The following TMEM184B variants were observed in gnomAD, a reference collection of about 807,000 sequenced individuals.
TMEM184B encodes putative MAPK-activating protein FM08.
A neutral mutation model predicts 41.8 loss-of-function variants in TMEM184B; 17 were observed. That is an observed-to-expected ratio of 0.41 (90% confidence interval 0.28 to 0.61). TMEM184B has a LOEUF of 0.61. Among genes scored for constraint, TMEM184B ranks in the 20% least tolerant of loss-of-function variants. TMEM184B has a pLI of 0.34. For missense variants in TMEM184B, 393 were observed against 557.8 expected (o/e 0.70, Z 2.98); for synonymous variants, 240 against 229.5 (o/e 1.05, Z -0.41).
intron 5 of TMEM184B, among the ~76,000 whole-genome samples, chr22:38,229,215 C>A (rs570674858): frequency 6.6e-6 from 1 of 152,194 alleles, no homozygotes. Context: ...CTACTCTTGG[C>A]GAAGCTGGAG....
Position 38,219,469 on chromosome 22 carries a change from A to G in TMEM184B, c.*2000T>C. The G allele has an allele frequency of 1.0e-6, 1 of 985,696 alleles. No individual in the cohort carries two copies. Among genetic ancestry groups the G allele is most frequent in the Non-Finnish European group, 1.2e-6 (1 of 829,870 alleles). The allele number at this position is 985,696 out of a possible 1,614,324, so 61.1% of individuals were successfully genotyped here. A position where few individuals can be genotyped will look rare whatever the true frequency, so the allele number is the denominator to read the frequency against. ...GAGACTCTGTCTTCTCATACATCATACAATTAATTTTTCAAGTATTCTTTA... is the reference window on the plus strand; with the variant it reads ...GAGACTCTGTCTTCTCATACATCATGCAATTAATTTTTCAAGTATTCTTTA... On this transcript the variant is annotated 3_prime_UTR_variant, in exon 9 of 9. Coordinates refer to ENST00000361906, the MANE Select transcript of TMEM184B (RefSeq NM_012264.5).
intron 2 of TMEM184B, chr22:38,247,032 T>C: frequency 2.6e-6 from 1 of 389,546 alleles, no homozygotes; most frequent in Non-Finnish European, 4.8e-6. Flanking sequence ...CCCTCTCCAC[T>C]GGACCACCTT....
intron 1 of TMEM184B, among the ~76,000 whole-genome samples, chr22:38,250,655 A>T: frequency 6.6e-6 from 1 of 152,138 alleles, no homozygotes; most frequent in East Asian, 1.9e-4. Context: ...CAAAGGAAGT[A>T]CAAATACGCT....
At chr22:38,257,882 A>C (rs548623139) in intron 1 of TMEM184B, among the ~76,000 whole-genome samples, 66 of 152,296 alleles carry the variant, frequency 4.3e-4, no homozygotes, top group African/African-American at 1.6e-3. Context: ...CAAAGGCCCA[A>C]GGCTTCCTAA....
intron 1 of TMEM184B, among the ~76,000 whole-genome samples, chr22:38,254,770 G>A (rs1156568104): frequency 1.3e-5 from 2 of 151,820 alleles, no homozygotes; most frequent in African/African-American, 4.8e-5. Context: ...TGGCAAGGAT[G>A]CAGAGAAACC....
At chr22:38,271,615 C>A (rs2092524776) in intron 1 of TMEM184B, among the ~76,000 whole-genome samples, 1 of 64,246 alleles carries the variant, frequency 1.6e-5, no homozygotes, top group Non-Finnish European at 4.6e-5. Context: ...CTCTGTACTC[C>A]TTCTACTCCT....
At chr22:38,223,659 G>C (rs2091333023) in intron 8 of TMEM184B, 1 of 152,408 alleles carries the variant, frequency 6.6e-6, no homozygotes. Flanking sequence ...CACTCGGGCA[G>C]ACAGCTGGCA....
Position 38,225,078 on chromosome 22 carries a change from G to A in TMEM184B, c.788-99C>T. 7.4e-7 allele frequency: 1 copy of A among 1,353,422 alleles called. No individual in the cohort carries two copies. Among genetic ancestry groups the A allele is most frequent in the Non-Finnish European group, 9.9e-7 (1 of 1,012,678 alleles). 83.8% of individuals were successfully genotyped at this position (1,353,422 alleles called of 1,614,324 possible). A position where few individuals can be genotyped will look rare whatever the true frequency, so the allele number is the denominator to read the frequency against. The stretch of plus-strand genomic sequence containing the variant: ...TTCAGCTGCCCACATGCCCCAGTGA[G>A]GATGTGAGCAGGGCCACAGCTGCTC... On this transcript the variant is annotated intron_variant, in intron 7 of 8. Coordinates refer to ENST00000361906, the MANE Select transcript of TMEM184B (RefSeq NM_012264.5). This position sits in a 1 kb window ranked among gnomAD's most constrained non-coding sequence, Gnocchi z 4.4.
Position 38,221,308 on chromosome 22 carries a change from C to A in TMEM184B, c.*161G>T, listed in dbSNP as rs1020528112. The A allele has an allele frequency of 7.0e-7, 1 of 1,435,286 alleles. No individual in the cohort carries two copies. The highest frequency in any genetic ancestry group is 9.1e-7 in the Non-Finnish European group (1 of 1,099,466). The allele number at this position is 1,435,286 out of a possible 1,614,324, so 88.9% of individuals were successfully genotyped here. On this transcript the variant is annotated 3_prime_UTR_variant, in exon 9 of 9. Coordinates refer to ENST00000361906, the MANE Select transcript of TMEM184B (RefSeq NM_012264.5). ...AAGGCCCATGGGCGAGCCTGGCTGT[C>A]CCCCGTTCCTCTGGAAGTGACATGT...
In TMEM184B at chr22:38,226,645, A is replaced by C; in HGVS notation, c.617+134T>G. On this transcript the variant is annotated intron_variant, in intron 6 of 8. Coordinates refer to ENST00000361906, the MANE Select transcript of TMEM184B (RefSeq NM_012264.5). This position sits in a 1 kb window ranked among gnomAD's most constrained non-coding sequence, Gnocchi z 4.6. ...GTGTCCACTGCTGGGCTCAGACTTC[A>C]GGGGGGTTGTGAGCACCAGACACCC... is the stretch of plus-strand genomic sequence containing the variant. The C allele has an allele frequency of 1.2e-6, 1 of 860,508 alleles. No homozygotes were observed. Among genetic ancestry groups the C allele is most frequent in the Non-Finnish European group, 1.8e-6 (1 of 552,786 alleles). 53.3% of individuals were successfully genotyped at this position (860,508 alleles called of 1,614,324 possible). A position where few individuals can be genotyped will look rare whatever the true frequency, so the allele number is the denominator to read the frequency against.
rs999705004 is a variant in TMEM184B at position 38,219,468 on chromosome 22, T to A, written c.*2001A>T. ...GGAGACTCTGTCTTCTCATACATCA[T>A]ACAATTAATTTTTCAAGTATTCTTT... is the stretch of plus-strand genomic sequence containing the variant. On this transcript the variant is annotated 3_prime_UTR_variant, in exon 9 of 9. Transcript: ENST00000361906. The A allele has an allele frequency of 2.0e-6, 2 of 985,246 alleles. No individual in the cohort carries two copies. Among genetic ancestry groups the A allele is most frequent in the African/African-American group, 3.5e-5 (2 of 57,060 alleles). The allele number at this position is 985,246 out of a possible 1,614,324, so 61.0% of individuals were successfully genotyped here.
At chr22:38,232,591 G>A (rs935887926) in intron 3 of TMEM184B, among the ~76,000 whole-genome samples, 5 of 152,290 alleles carry the variant, frequency 3.3e-5, no homozygotes, top group South Asian at 2.1e-4. Context: ...AAGGGGAGGG[G>A]CAGAACAGGG....
rs1024319624 is a variant in TMEM184B, at chr22:38,219,822, C to T, written c.*1647G>A. 2.8e-5 allele frequency: 28 copies of T among 985,372 alleles called. No homozygotes were observed. Among genetic ancestry groups the T allele is most frequent in the African/African-American group, 8.7e-5 (5 of 57,244 alleles). 61.0% of individuals were successfully genotyped at this position (985,372 alleles called of 1,614,324 possible). Reference sequence around the variant, plus strand: ...CAGCCTGTGTCTGCACCCACCCTCCCGGGCAGCTTGGGCCCAACTGCTCCG... The same window carrying T: ...CAGCCTGTGTCTGCACCCACCCTCCTGGGCAGCTTGGGCCCAACTGCTCCG... On this transcript the variant is annotated 3_prime_UTR_variant, in exon 9 of 9. Transcript: ENST00000361906.
At chr22:38,236,623 A>G (rs542982851) in intron 3 of TMEM184B, among the ~76,000 whole-genome samples, 2 of 152,026 alleles carry the variant, frequency 1.3e-5, no homozygotes, top group South Asian at 4.1e-4. Context: ...AGCTGGGACT[A>G]CAGGTGTGGG....
At position 38,220,269 on chromosome 22, in the gene TMEM184B, G is replaced by T; in HGVS notation, c.*1200C>A. 1 of 986,004 alleles carries T rather than the reference G, an allele frequency of 1.0e-6. No homozygotes were observed. Among genetic ancestry groups the T allele is most frequent in the Non-Finnish European group, 1.2e-6 (1 of 830,042 alleles). 61.1% of individuals were successfully genotyped at this position (986,004 alleles called of 1,614,324 possible). A position where few individuals can be genotyped will look rare whatever the true frequency, so the allele number is the denominator to read the frequency against. On this transcript the variant is annotated 3_prime_UTR_variant, in exon 9 of 9. Coordinates refer to ENST00000361906, the MANE Select transcript of TMEM184B (RefSeq NM_012264.5). ...GACCACTCCTGAGGCCTGTCCAAGG[G>T]CTCTGGGCCCAGCACTGCAGGATCC...
chr22:38,247,356 C>T (rs375220185), intron 2 of TMEM184B, among the ~76,000 whole-genome samples: 1 of 152,240 alleles, frequency 6.6e-6, no homozygotes, highest in Admixed American at 6.5e-5. Flanking sequence ...AGAGTGCCTT[C>T]GCACATTCCC....
At chr22:38,222,816 C>CG (rs1007391884) in intron 8 of TMEM184B, 1 of 658,734 alleles carries the variant, frequency 1.5e-6, no homozygotes, top group African/African-American at 2.0e-5. Flanking sequence ...CCCCACCCCC[C>CG]CAGGCCCCAC....
chr22:38,253,239 G>A (rs1007213605), intron 1 of TMEM184B, among the ~76,000 whole-genome samples: 2 of 152,058 alleles, frequency 1.3e-5, no homozygotes, highest in Non-Finnish European at 2.9e-5. Flanking sequence ...CACATTCGAG[G>A]CTAACCTGAT....
At chr22:38,241,832 C>T (rs1002526591) in intron 3 of TMEM184B, among the ~76,000 whole-genome samples, 2 of 135,936 alleles carry the variant, frequency 1.5e-5, no homozygotes, top group Non-Finnish European at 3.0e-5. Flanking sequence ...TGCAGTGAGC[C>T]GAGGTGGCGT....
Sources: allele counts gnomAD v4.1 joint callset (sites outside exome capture counted in the v4.1 genomes callset), GRCh38; gene constraint gnomAD v4.1.1; non-coding constraint Gnocchi (gnomAD v3.1); transcripts MANE v1.5; gene names NCBI Gene and HGNC (gene_info 2026-07-23, HGNC 2026-07-21).